The following TESC variants were observed in gnomAD, a reference collection of about 807,000 sequenced individuals.
The protein encoded by TESC is tescalcin.
TESC carries 19 observed loss-of-function variants against 31.0 expected under a neutral mutation model. The ratio of observed to expected loss-of-function variants is 0.61; its 90% CI spans 0.43 to 0.90. The LOEUF (loss-of-function observed/expected upper bound fraction) is 0.90, where lower values mean the gene tolerates loss of function less well. Among genes scored for constraint, TESC ranks in the 40% least tolerant of loss-of-function variants. TESC has a pLI of 0.00. For synonymous variants in TESC, 109 were observed against 114.8 expected (o/e 0.95, Z 0.32); for missense variants, 248 against 303.8 (o/e 0.82, Z 1.36).
At chr12:117,066,464 C>T (rs1015311621) in intron 2 of TESC, among the ~76,000 whole-genome samples, 1 of 151,422 alleles carries the variant, frequency 6.6e-6, no homozygotes, top group Non-Finnish European at 1.5e-5. Context: ...CTCCGCCTCC[C>T]GGGTTCACGC....
chr12:117,055,957 C>T (rs1176529471), intron 3 of TESC, among the ~76,000 whole-genome samples: 2 of 145,512 alleles, frequency 1.4e-5, no homozygotes, highest in Non-Finnish European at 3.0e-5. Context: ...CTTACTGACT[C>T]TCGCCCAGGC....
chr12:117,068,550 A>G (rs1460522747), intron 2 of TESC, among the ~76,000 whole-genome samples: 1 of 152,018 alleles, frequency 6.6e-6, no homozygotes, highest in African/African-American at 2.4e-5. Context: ...CAAAAGGAAC[A>G]CTGCTGAAGG....
chr12:117,056,773 T>G, intron 3 of TESC, 33 bp downstream of exon 3: 1 of 1,604,884 alleles, frequency 6.2e-7, no homozygotes, highest in Non-Finnish European at 8.5e-7. Flanking sequence ...CAAGGGTGCC[T>G]GCCACTGGGC....
At chr12:117,083,058 C>A (rs572132310) in intron 1 of TESC, among the ~76,000 whole-genome samples, 22 of 151,712 alleles carry the variant, frequency 1.5e-4, no homozygotes, top group African/African-American at 4.8e-4. Context: ...CACAGAATTA[C>A]CATGTAATCC....
At chr12:117,042,908 TATATC>T (rs1367989454) in intron 6 of TESC, among the ~76,000 whole-genome samples, 5 of 152,140 alleles carry the variant, frequency 3.3e-5, no homozygotes, top group Non-Finnish European at 5.9e-5. Flanking sequence ...GGGAGTTACT[TATATC>T]CTACTGGTCA....
chr12:117,092,463 CCT>C (rs1257857117), intron 1 of TESC, among the ~76,000 whole-genome samples: 2 of 152,246 alleles, frequency 1.3e-5, no homozygotes, highest in Non-Finnish European at 2.9e-5. Context: ...GCAAGTTTCC[CCT>C]GTGAGCCCCC....
intron 7 of TESC, among the ~76,000 whole-genome samples, chr12:117,039,831 T>A (rs1482052803): frequency 6.6e-6 from 1 of 152,254 alleles, no homozygotes; most frequent in African/African-American, 2.4e-5. Context: ...CTGGTGCTGG[T>A]ACTGCTGTTA....
At chr12:117,062,999 C>A (rs1026036892) in intron 2 of TESC, among the ~76,000 whole-genome samples, 2 of 152,202 alleles carry the variant, frequency 1.3e-5, no homozygotes, top group African/African-American at 4.8e-5. Flanking sequence ...ACCTTCCAGG[C>A]CTCCTGCGGG....
At chr12:117,075,895 A>ATATATGTGTGTG (rs1955057795) in intron 1 of TESC, among the ~76,000 whole-genome samples, 3 of 83,054 alleles carry the variant, frequency 3.6e-5, no homozygotes, top group African/African-American at 2.1e-4. Flanking sequence ...ATATATATAT[A>ATATATGTGTGTG]TATATATATA....
intron 1 of TESC, among the ~76,000 whole-genome samples, chr12:117,095,876 C>A (rs1052725251): frequency 2.0e-5 from 3 of 151,848 alleles, no homozygotes; most frequent in African/African-American, 7.3e-5. Context: ...CAAGACCCTG[C>A]CTCAAAAACT....
chr12:117,090,634 A>G (rs1955293389), intron 1 of TESC, among the ~76,000 whole-genome samples: 1 of 152,192 alleles, frequency 6.6e-6, no homozygotes, highest in Non-Finnish European at 1.5e-5. Flanking sequence ...GTAAGAGGCA[A>G]TACCATGATA....
intron 2 of TESC, among the ~76,000 whole-genome samples, chr12:117,071,031 A>G (rs1245362397): frequency 1.3e-5 from 2 of 152,184 alleles, no homozygotes; most frequent in African/African-American, 2.4e-5. Context: ...AACACGTTCA[A>G]ATAATAAGAG....
chr12:117,098,276 A>G (rs1051077419), intron 1 of TESC: 73 of 152,474 alleles, frequency 4.8e-4, no homozygotes, highest in African/African-American at 1.7e-3. Context: ...ACAACAGAGA[A>G]GGAAAGCTGA....
chr12:117,050,059 T>C (rs574326955), intron 3 of TESC, among the ~76,000 whole-genome samples: 68 of 151,740 alleles, frequency 4.5e-4, no homozygotes, highest in African/African-American at 1.5e-3. Context: ...TGCCTTGGTC[T>C]CCCAAAGTGC....
At chr12:117,047,581 T>A (rs1336667347) in intron 4 of TESC, among the ~76,000 whole-genome samples, 1 of 152,052 alleles carries the variant, frequency 6.6e-6, no homozygotes, top group African/African-American at 2.4e-5. Context: ...CACGCCGCCA[T>A]GCCCAAGTAA....
intron 1 of TESC, among the ~76,000 whole-genome samples, chr12:117,091,899 T>G (rs1342196307): frequency 6.6e-6 from 1 of 152,182 alleles, no homozygotes; most frequent in African/African-American, 2.4e-5. Context: ...CACACAGATG[T>G]GCCGACTCTC....
At position 117,099,254 on chromosome 12, in the gene TESC, T is replaced by A. The variant is rs1167359824; in HGVS notation, c.29A>T (p.Glu10Val). The change falls in exon 1 of 8, where the codon GAG becomes GTG. Residue 10 changes from glutamate to valine, a missense_variant. By Grantham distance (121) the Glu-to-Val change is moderately radical (BLOSUM62 -2). Coordinates refer to ENST00000335209, the MANE Select transcript of TESC (RefSeq NM_017899.4). ...GGTCTTGCCCTCGAGCTCCCGCACC[T>A]CCTCAGACGCGGAGTGGGCAGCGCC... MGAAHSASE[E>V]VRELEGKTGF... The A allele has an allele frequency of 1.4e-6, 2 of 1,470,804 alleles. No homozygotes were observed. Among genetic ancestry groups the A allele is most frequent in the Non-Finnish European group, 1.8e-6 (2 of 1,119,014 alleles). The allele number at this position is 1,470,804 out of a possible 1,614,324, so 91.1% of individuals were successfully genotyped here.
chr12:117,086,563 G>T (rs1371000278), intron 1 of TESC, among the ~76,000 whole-genome samples: 1 of 151,962 alleles, frequency 6.6e-6, no homozygotes, highest in African/African-American at 2.4e-5. Flanking sequence ...CTCCCGAGTA[G>T]CTGGGACTAC....
At chr12:117,075,881 A>ATATATATATATATGTGTGTG (rs1955052810) in intron 1 of TESC, among the ~76,000 whole-genome samples, 1 of 13,506 alleles carries the variant, frequency 7.4e-5, no homozygotes, top group Non-Finnish European at 1.2e-4. Flanking sequence ...GTGTGTATAT[A>ATATATATATATATGTGTGTG]TATATATATA....
Sources: gnomAD v4.1 joint callset for allele counts (sites outside exome capture counted in the v4.1 genomes callset) on GRCh38, gnomAD v4.1.1 for gene constraint, MANE v1.5 for transcripts, NCBI Gene and HGNC (gene_info 2026-07-23, HGNC 2026-07-21) for gene names.